The following SERPINI1 variants were observed in gnomAD, a reference collection of about 807,000 sequenced individuals.
SERPINI1 encodes the protein neuroserpin.
A neutral mutation model predicts 41.1 loss-of-function variants in SERPINI1; 19 were observed. That is an observed-to-expected ratio of 0.46 (90% CI 0.32 to 0.68). The LOEUF (loss-of-function observed/expected upper bound fraction) is 0.68. SERPINI1 is among the 30% of genes least tolerant of loss of function. SERPINI1 has a pLI of 0.03. For missense variants in SERPINI1, 460 were observed against 479.2 expected, an observed-to-expected ratio of 0.96 and a Z score of 0.37; for synonymous variants, 138 against 156.6, an observed-to-expected ratio of 0.88 and a Z score of 0.89.
At chr3:167,742,355 A>T (rs1053776108) in intron 1 of SERPINI1, among the ~76,000 whole-genome samples, 1 of 152,212 alleles carries the variant, frequency 6.6e-6, no homozygotes, top group African/African-American at 2.4e-5. Flanking sequence ...ATAAAACAAT[A>T]GGGATTTATT....
chr3:167,797,453 T>C (rs60175508), intron 5 of SERPINI1, among the ~76,000 whole-genome samples: 19,489 of 152,156 alleles, frequency 0.13, 1,513 homozygotes, highest in African/African-American at 0.21. Flanking sequence ...GCCTAGGTTT[T>C]CTTCTAGGGT....
At chr3:167,780,766 A>G (rs148126957) in intron 1 of SERPINI1, among the ~76,000 whole-genome samples, 47 of 152,298 alleles carry the variant, frequency 3.1e-4, no homozygotes, top group African/African-American at 1.1e-3. Context: ...TTTTCTGTTC[A>G]CTTCTGCCAT....
At chr3:167,758,943 AAC>A (rs1340790743) in intron 1 of SERPINI1, among the ~76,000 whole-genome samples, 1 of 152,214 alleles carries the variant, frequency 6.6e-6, no homozygotes, top group Non-Finnish European at 1.5e-5. Flanking sequence ...CAAAGGTTAT[AAC>A]ACTCTCTTAT....
chr3:167,808,907 A>G (rs534128171), intron 6 of SERPINI1, among the ~76,000 whole-genome samples: 1 of 152,190 alleles, frequency 6.6e-6, no homozygotes, highest in Non-Finnish European at 1.5e-5. Flanking sequence ...TCCCAGATTT[A>G]GGATTGAACG....
At position 167,794,686 on chromosome 3, in the gene SERPINI1, G is replaced by A; in HGVS notation, c.743G>A (p.Gly248Glu). 1.2e-6 allele frequency: 2 copies of A among 1,613,660 alleles called. No individual in the cohort carries two copies. The highest frequency in any genetic ancestry group is 2.2e-5 in the East Asian group (1 of 44,878). ...CAAGTCCTAGAAATACCATATGAAG[G>A]AGATGAAATAAGCATGATGCTGGTG... Reference protein sequence around the residue: ...IYQVLEIPYEGDEISMMLVLS... With the variant: ...IYQVLEIPYEEDEISMMLVLS... Residue 248 changes from glycine (G) to glutamate (E), a missense_variant, in exon 5 of 9, where the codon GGA (glycine) becomes GAA (glutamate). Transcript: ENST00000446050.
intron 1 of SERPINI1, among the ~76,000 whole-genome samples, chr3:167,773,436 A>G (rs1726857828): frequency 6.6e-6 from 1 of 152,132 alleles, no homozygotes; most frequent in African/African-American, 2.4e-5. Context: ...TTTCACCTAC[A>G]CCAACATTAA....
intron 1 of SERPINI1, among the ~76,000 whole-genome samples, chr3:167,764,023 T>A (rs1211398292): frequency 1.5e-5 from 2 of 130,314 alleles, no homozygotes; most frequent in East Asian, 4.3e-4. Flanking sequence ...AAATCTTAAC[T>A]CACTCCCCAA....
intron 5 of SERPINI1, among the ~76,000 whole-genome samples, chr3:167,797,269 G>A (rs536769389): frequency 6.6e-6 from 1 of 152,052 alleles, no homozygotes; most frequent in Admixed American, 6.6e-5. Flanking sequence ...GGATAGATTG[G>A]AAGAATTTCC....
rs781222071 is a variant in SERPINI1, at chr3:167,789,096, ATTG to A, written c.-18-9_-18-7del. The A allele has an allele frequency of 1.9e-6, 3 of 1,610,254 alleles. No homozygotes were observed. The highest frequency in any genetic ancestry group is 2.7e-5 in the African/African-American group (2 of 74,866). ...GAGATAACTAATAATTAATATGTAA[ATTG>A]TTGTTTTTTAGGCTTGAAACTGTTA... On this transcript the variant is annotated splice_polypyrimidine_tract_variant and intron_variant, in intron 1 of 8. Transcript: ENST00000446050.
chr3:167,806,809 G>A (rs1711660376), intron 5 of SERPINI1, among the ~76,000 whole-genome samples: 1 of 151,578 alleles, frequency 6.6e-6, no homozygotes, highest in Admixed American at 6.6e-5. Flanking sequence ...ATACTAAGAA[G>A]AGAATGAAAT....
At chr3:167,742,680 G>A (rs1725717410) in intron 1 of SERPINI1, among the ~76,000 whole-genome samples, 1 of 152,168 alleles carries the variant, frequency 6.6e-6, no homozygotes, top group Non-Finnish European at 1.5e-5. Flanking sequence ...TTTGGCTTCT[G>A]TGGTAGATGG....
rs1474246877 is a variant in SERPINI1 at position 167,807,244 on chromosome 3, G to T, written c.882G>T (p.Arg294Ser). ...KKQKVEVYLP[R>S]FTVEQEIDLK... is the part of the protein sequence containing the mutation. Reference sequence around the variant, plus strand: ...ATTTTTCTCCCTATGTGTTCTCCAGGTTCACAGTGGAACAGGAAATTGATT... The same window carrying T: ...ATTTTTCTCCCTATGTGTTCTCCAGTTTCACAGTGGAACAGGAAATTGATT... The change falls in exon 6 of 9, where the codon AGG (arginine) becomes AGT (serine). Residue 294 changes from arginine (R) to serine (S), a missense_variant and splice_region_variant. Physicochemically the swap from Arg to Ser is moderately radical, Grantham distance 110. Transcript: ENST00000446050. 48 of 1,604,640 alleles carry T rather than the reference G, an allele frequency of 3.0e-5. No individual in the cohort carries two copies. The highest frequency in any genetic ancestry group is 4.1e-5 in the Non-Finnish European group (48 of 1,171,926).
chr3:167,793,596 A>ATATATATATATATATT, intron 4 of SERPINI1, among the ~76,000 whole-genome samples: 15 of 140,616 alleles, frequency 1.1e-4, no homozygotes, highest in African/African-American at 4.1e-4. Context: ...ATATATATAT[A>ATATATATATATATATT]TTTTTAATTA....
At chr3:167,803,170 A>T (rs956539441) in intron 5 of SERPINI1, among the ~76,000 whole-genome samples, 1 of 151,876 alleles carries the variant, frequency 6.6e-6, no homozygotes, top group Non-Finnish European at 1.5e-5. Flanking sequence ...ATATATACCT[A>T]ATGCTAGATG....
At chr3:167,774,207 A>G (rs1726889192) in intron 1 of SERPINI1, among the ~76,000 whole-genome samples, 1 of 152,220 alleles carries the variant, frequency 6.6e-6, no homozygotes, top group South Asian at 2.1e-4. Flanking sequence ...ATGCTTAGTA[A>G]GTAGCAGATT....
chr3:167,811,926 G>T (rs1266999191), intron 6 of SERPINI1, among the ~76,000 whole-genome samples: 2 of 152,112 alleles, frequency 1.3e-5, no homozygotes, highest in Non-Finnish European at 2.9e-5. Flanking sequence ...TCATTATATT[G>T]TTACTTTCTT....
At chr3:167,805,560 A>T (rs569392608) in intron 5 of SERPINI1, among the ~76,000 whole-genome samples, 5 of 152,236 alleles carry the variant, frequency 3.3e-5, no homozygotes, top group South Asian at 4.1e-4. Flanking sequence ...CCCATTTGTC[A>T]ATTTAGGCTT....
intron 1 of SERPINI1, among the ~76,000 whole-genome samples, chr3:167,781,686 T>A (rs1488660130): frequency 6.7e-6 from 1 of 149,498 alleles, no homozygotes; most frequent in Non-Finnish European, 1.5e-5. Flanking sequence ...CCCTCAAGCA[T>A]TTTTCTCAGC....
intron 1 of SERPINI1, among the ~76,000 whole-genome samples, chr3:167,785,008 C>T (rs946878050): frequency 9.9e-5 from 15 of 152,020 alleles, no homozygotes; most frequent in Non-Finnish European, 1.9e-4. Flanking sequence ...TTTGGGAGGC[C>T]GAGGCGGGTG....
Sources: gnomAD v4.1 joint callset for allele counts (sites outside exome capture counted in the v4.1 genomes callset) on GRCh38, gnomAD v4.1.1 for gene constraint, MANE v1.5 for transcripts, NCBI Gene and HGNC (gene_info 2026-07-23, HGNC 2026-07-21) for gene names.